FMN1: variants seen among roughly 807,000 people sequenced by gnomAD.
FMN1 encodes the protein formin 1.
In FMN1, 110 loss-of-function variants were observed where a neutral mutation model predicts 132.4. That is an observed-to-expected ratio of 0.83 (90% CI 0.71 to 0.97). FMN1 has a LOEUF of 0.97. Among genes scored for constraint, FMN1 ranks in the 50% least tolerant of loss-of-function variants. FMN1 has a pLI of 0.00. For synonymous variants in FMN1, 722 were observed against 651.7 expected, an observed-to-expected ratio of 1.11 and a Z score of -1.64; for missense variants, 1,792 against 1,705.3, an observed-to-expected ratio of 1.05 and a Z score of -0.90.
intron 6 of FMN1, among the ~76,000 whole-genome samples, chr15:33,015,800 G>C (rs2035012568): frequency 6.6e-6 from 1 of 152,176 alleles, no homozygotes; most frequent in Non-Finnish European, 1.5e-5. Flanking sequence ...ATTTTTTGTA[G>C]GTATCTGAAC....
rs140044376 is a variant in FMN1, at chr15:33,099,504, G to A, written c.1868-10530C>T. Among the ~76,000 whole-genome samples the A allele has an allele frequency of 1.9e-3, 286 of 152,252 alleles. 1 individual carries two copies. Among genetic ancestry groups the A allele is most frequent in the African/African-American group, 6.7e-3 (278 of 41,538 alleles). On this transcript the variant is annotated intron_variant, in intron 4 of 20. Coordinates refer to ENST00000616417, the MANE Select transcript of FMN1 (RefSeq NM_001277313.2). Reference sequence around the variant, plus strand: ...GATGTGCCAGTATAATCTTTTGAGAGCTATCAAGATCAGCAAACTCCTTTC... The same window carrying A: ...GATGTGCCAGTATAATCTTTTGAGAACTATCAAGATCAGCAAACTCCTTTC...
intron 4 of FMN1, among the ~76,000 whole-genome samples, chr15:33,099,786 A>G (rs1428023122): frequency 1.3e-5 from 2 of 152,182 alleles, no homozygotes; most frequent in African/African-American, 2.4e-5. Context: ...TTTTCTCACT[A>G]AACAAAAAGG....
rs1180506574 is a variant in FMN1, at chr15:32,771,515, G to A, written c.*2795C>T. The A allele has an allele frequency of 6.6e-6, 1 of 152,184 alleles. No individual in the cohort carries two copies. The highest frequency in any genetic ancestry group is 1.5e-5 in the Non-Finnish European group (1 of 68,016). The allele number at this position is 152,184 out of a possible 1,614,324, so 9.4% of individuals were successfully genotyped here. ...AGAATCTGAACTACTGTCAAACTGT[G>A]TCCTCAGATTTAATGAATATTGTCT... On this transcript the variant is annotated 3_prime_UTR_variant, in exon 21 of 21. Coordinates refer to ENST00000616417, the MANE Select transcript of FMN1 (RefSeq NM_001277313.2).
chr15:33,004,779 G>C (rs547949181), intron 7 of FMN1, among the ~76,000 whole-genome samples: 4 of 152,176 alleles, frequency 2.6e-5, no homozygotes, highest in Admixed American at 2.0e-4. Flanking sequence ...CAAAAACTTG[G>C]AACCAACCCA....
At chr15:33,036,177 CACT>C (rs905593287) in intron 6 of FMN1, among the ~76,000 whole-genome samples, 2 of 152,288 alleles carry the variant, frequency 1.3e-5, no homozygotes, top group African/African-American at 4.8e-5. Context: ...CATGCTAAGA[CACT>C]ACATTTCTTT....
chr15:32,904,596 T>C (rs2060376219), intron 12 of FMN1, among the ~76,000 whole-genome samples: 1 of 152,134 alleles, frequency 6.6e-6, no homozygotes, highest in South Asian at 2.1e-4. Context: ...GCTGCTAAGG[T>C]AACAAGACCC....
intron 19 of FMN1, among the ~76,000 whole-genome samples, chr15:32,785,161 C>CGTGTGTGTGTGTGT (rs1178285469): frequency 1.4e-4 from 7 of 51,616 alleles, no homozygotes; most frequent in African/African-American, 5.9e-4. Context: ...TGTATACGTA[C>CGTGTGTGTGTGTGT]GTGTGTGTGT....
At position 32,957,507 on chromosome 15, in the gene FMN1, A is replaced by C. The variant is rs569562096; in HGVS notation, c.3138+6600T>G. On this transcript the variant is annotated intron_variant, in intron 9 of 20. Transcript: ENST00000616417. The stretch of plus-strand genomic sequence containing the variant: ...CTATACAAACACGATATGTACTACT[A>C]GATGTCCGAATGTATCACTAACGGA... Among the ~76,000 whole-genome samples the C allele has an allele frequency of 3.9e-5, 6 of 152,072 alleles. No homozygotes were observed. In the South Asian group the frequency reaches 1.0e-3, roughly 26 times the overall value.
chr15:32,915,004 T>G (rs1431227559), intron 10 of FMN1, among the ~76,000 whole-genome samples: 1 of 152,238 alleles, frequency 6.6e-6, no homozygotes, highest in Non-Finnish European at 1.5e-5. Context: ...CGGAAGGATC[T>G]TAAAAATAAA....
At chr15:33,129,861 C>T (rs576596595) in intron 4 of FMN1, among the ~76,000 whole-genome samples, 26 of 149,436 alleles carry the variant, frequency 1.7e-4, no homozygotes, top group African/African-American at 5.2e-4. Context: ...GGCACAATCT[C>T]GGCTCACTGC....
At chr15:33,050,831 T>C (rs1486956834) in intron 6 of FMN1, among the ~76,000 whole-genome samples, 2 of 152,232 alleles carry the variant, frequency 1.3e-5, no homozygotes, top group African/African-American at 4.8e-5. Flanking sequence ...ACTACAGGCA[T>C]AGGTCTATAA....
chr15:32,889,727 G>C (rs1472242173), intron 15 of FMN1, among the ~76,000 whole-genome samples: 1 of 86,378 alleles, frequency 1.2e-5, no homozygotes, highest in Non-Finnish European at 2.6e-5. Context: ...TTTCTCCCCT[G>C]TTCTCCAAAG....
chr15:32,917,793 C>T (rs1480781944), intron 10 of FMN1, among the ~76,000 whole-genome samples: 1 of 152,068 alleles, frequency 6.6e-6, no homozygotes, highest in Non-Finnish European at 1.5e-5. Flanking sequence ...AATGAATTAA[C>T]CAATTAAGAA....
chr15:32,795,637 T>G (rs929407770), intron 19 of FMN1, among the ~76,000 whole-genome samples: 2 of 151,930 alleles, frequency 1.3e-5, no homozygotes, highest in African/African-American at 4.8e-5. Flanking sequence ...TTTTCAGCTC[T>G]CTGTCTCCAG....
chr15:32,805,769 C>T (rs1456359311), intron 17 of FMN1, among the ~76,000 whole-genome samples: 1 of 151,514 alleles, frequency 6.6e-6, no homozygotes, highest in African/African-American at 2.4e-5. Flanking sequence ...GCATTTGCAG[C>T]AGTGCTGCTC....
chr15:32,843,406 C>G (rs2141224238), intron 17 of FMN1, among the ~76,000 whole-genome samples: 1 of 152,298 alleles, frequency 6.6e-6, no homozygotes, highest in South Asian at 2.1e-4. Flanking sequence ...AAACCAATGC[C>G]AGAGGAAGCT....
chr15:33,153,133 T>A lies in FMN1; in HGVS notation c.1782A>T (p.Gln594His). Residue 594 changes from glutamine to histidine, a missense_variant, in exon 4 of 21, where the codon CAA (glutamine) becomes CAT (histidine). Physicochemically the swap from Gln to His is conservative, Grantham distance 24. Around this residue, in one of 3 missense-constraint regions of FMN1, gnomAD observed 1,150 missense variants for 1,043.1 expected, o/e 1.10. Coordinates refer to ENST00000616417, the MANE Select transcript of FMN1 (RefSeq NM_001277313.2). ...GASPAFLRAG[Q>H]PRLVPGETLE... ...AAGTTTCCCCAGGCACCAACCGAGG[T>A]TGGCCTGCTCTGAGGAAGGCCGGGC... The A allele has an allele frequency of 6.5e-7, 1 of 1,536,070 alleles. No individual in the cohort carries two copies. The highest frequency in any genetic ancestry group is 8.7e-7 in the Non-Finnish European group (1 of 1,146,902).
intron 19 of FMN1, among the ~76,000 whole-genome samples, chr15:32,780,585 T>G (rs1287140519): frequency 1.3e-5 from 2 of 152,220 alleles, no homozygotes; most frequent in Admixed American, 1.3e-4. Flanking sequence ...TCCTTTACTT[T>G]CCTGATAAAC....
At chr15:32,809,243 T>C (rs993732384) in intron 17 of FMN1, among the ~76,000 whole-genome samples, 2 of 152,182 alleles carry the variant, frequency 1.3e-5, no homozygotes, top group Non-Finnish European at 2.9e-5. Context: ...AGTCTTTTTT[T>C]GAGAGGTTAA....
Sources: gnomAD v4.1 joint callset for allele counts (sites outside exome capture counted in the v4.1 genomes callset) on GRCh38, gnomAD v4.1.1 for gene constraint, gnomAD v4.1.1 regional missense constraint, MANE v1.5 for transcripts, NCBI Gene and HGNC (gene_info 2026-07-23, HGNC 2026-07-21) for gene names.